The following RBFOX2 variants were observed in gnomAD, a reference collection of about 807,000 sequenced individuals.
The protein encoded by RBFOX2 is RNA binding protein fox-1 homolog 2.
RBFOX2 carries 10 observed loss-of-function variants against 49.1 expected under a neutral mutation model. The ratio of observed to expected loss-of-function variants is 0.20; its 90% CI spans 0.13 to 0.35. RBFOX2 has a LOEUF of 0.35. Among genes scored for constraint, RBFOX2 ranks in the 10% least tolerant of loss-of-function variants. The pLI, the probability that RBFOX2 is intolerant of heterozygous loss-of-function variation, is 1.00. For missense variants in RBFOX2, 323 were observed against 486.9 expected (o/e 0.66, Z 3.17); for synonymous variants, 183 against 187.4 (o/e 0.98, Z 0.19).
intron 1 of RBFOX2, among the ~76,000 whole-genome samples, chr22:35,854,712 A>G (rs5995172): frequency 0.12 from 17,718 of 152,146 alleles, 2,062 homozygotes; most frequent in African/African-American, 0.3. Context: ...TTAAATCATC[A>G]GCTCTTCAGA....
At chr22:36,004,089 G>T (rs1448730281) in intron 1 of RBFOX2, among the ~76,000 whole-genome samples, 1 of 152,098 alleles carries the variant, frequency 6.6e-6, no homozygotes, top group African/African-American at 2.4e-5. Context: ...CAACTGAGGG[G>T]ACAAAATCAC....
intron 1 of RBFOX2, among the ~76,000 whole-genome samples, chr22:35,868,587 T>C (rs1603427231): frequency 6.6e-6 from 1 of 151,860 alleles, no homozygotes; most frequent in Admixed American, 6.6e-5. Context: ...CTGTCTCTAT[T>C]TTAAAAAAAA....
chr22:36,010,424 A>C (rs1275775380), intron 1 of RBFOX2, among the ~76,000 whole-genome samples: 1 of 151,888 alleles, frequency 6.6e-6, no homozygotes, highest in African/African-American at 2.4e-5. Context: ...GGCCTAATTC[A>C]CCTACTGCAG....
At chr22:35,983,190 C>T (rs2150071216) in intron 1 of RBFOX2, among the ~76,000 whole-genome samples, 1 of 152,306 alleles carries the variant, frequency 6.6e-6, no homozygotes, top group East Asian at 1.9e-4. Flanking sequence ...AATAGTAGAT[C>T]TCAAAACCAT....
At chr22:36,005,162 C>A (rs1446261259) in intron 1 of RBFOX2, among the ~76,000 whole-genome samples, 1 of 152,164 alleles carries the variant, frequency 6.6e-6, no homozygotes, top group African/African-American at 2.4e-5. Flanking sequence ...GAATTTTACT[C>A]TAATTCAAGA....
At chr22:35,848,529 G>A (rs1603404416) in intron 1 of RBFOX2, among the ~76,000 whole-genome samples, 1 of 152,116 alleles carries the variant, frequency 6.6e-6, no homozygotes, top group Non-Finnish European at 1.5e-5. Flanking sequence ...TTACTCCAGA[G>A]AGCTTACCCA....
At chr22:35,753,432 G>A (rs898616646) in intron 9 of RBFOX2, among the ~76,000 whole-genome samples, 7 of 152,032 alleles carry the variant, frequency 4.6e-5, no homozygotes, top group African/African-American at 1.7e-4. Context: ...TTCATGTAGG[G>A]GCATGGATAT....
intron 1 of RBFOX2, among the ~76,000 whole-genome samples, chr22:35,854,007 T>TC (rs2149009358): frequency 6.6e-6 from 1 of 152,192 alleles, no homozygotes; most frequent in South Asian, 2.1e-4. Context: ...GGTCAGGTGT[T>TC]CGAGACCAGC....
intron 2 of RBFOX2, among the ~76,000 whole-genome samples, chr22:35,789,148 T>C (rs1024328505): frequency 6.6e-6 from 1 of 151,968 alleles, no homozygotes; most frequent in African/African-American, 2.4e-5. Flanking sequence ...TCTGAGACAG[T>C]GATATTTCTT....
chr22:35,863,951 C>T (rs566796814), intron 1 of RBFOX2, among the ~76,000 whole-genome samples: 1 of 152,294 alleles, frequency 6.6e-6, no homozygotes, highest in African/African-American at 2.4e-5. Flanking sequence ...AAGTGAGTTC[C>T]TTAACCCTAA....
At chr22:35,859,276 G>C (rs1205366332) in intron 1 of RBFOX2, among the ~76,000 whole-genome samples, 2 of 152,114 alleles carry the variant, frequency 1.3e-5, no homozygotes, top group East Asian at 3.9e-4. Context: ...GAGTTTTCTA[G>C]ATGGATTAGG....
chr22:35,949,362 T>C (rs2054656811), intron 1 of RBFOX2, among the ~76,000 whole-genome samples: 1 of 152,252 alleles, frequency 6.6e-6, no homozygotes, highest in African/African-American at 2.4e-5. Flanking sequence ...TACAGATATC[T>C]ATTCAAGTCC....
chr22:36,025,429 C>T (rs2059395423), intron 1 of RBFOX2, among the ~76,000 whole-genome samples: 1 of 152,152 alleles, frequency 6.6e-6, no homozygotes. Flanking sequence ...GCCCTTATCA[C>T]CACACAATTA....
At chr22:35,812,951 G>A (rs923656098) in intron 1 of RBFOX2, among the ~76,000 whole-genome samples, 5 of 152,184 alleles carry the variant, frequency 3.3e-5, no homozygotes, top group African/African-American at 4.8e-5. Context: ...TGGGGAGAAA[G>A]GTAAAAACAT....
At chr22:35,746,351 C>A (rs1932773537) in intron 10 of RBFOX2, 122 bp downstream of exon 12, 2 of 919,292 alleles carry the variant, frequency 2.2e-6, no homozygotes, top group East Asian at 2.5e-5. Flanking sequence ...AAAGCCCAGG[C>A]TGGCAAGATG....
chr22:36,016,570 G>A (rs192229588), intron 1 of RBFOX2, among the ~76,000 whole-genome samples: 34 of 152,232 alleles, frequency 2.2e-4, no homozygotes, highest in African/African-American at 7.0e-4. Context: ...CTTCAACAAC[G>A]GAGAAACCAA....
chr22:35,797,931 C>T lies in RBFOX2; in HGVS notation c.252+11849G>A, dbSNP rs1338978360. Among the ~76,000 whole-genome samples the T allele has an allele frequency of 2.0e-5, 3 of 152,122 alleles. No homozygotes were observed. In the East Asian group the frequency reaches 5.8e-4, roughly 29 times the overall value. ...CCTTCTAAAAGCATCTCTTAATGAA[C>T]CCGCTTCATTACTCTCTTTCTAGCA... is the stretch of plus-strand genomic sequence containing the variant. On this transcript the variant is annotated intron_variant, in intron 2 of 11. Transcript: ENST00000405409.
intron 1 of RBFOX2, among the ~76,000 whole-genome samples, chr22:35,983,846 C>T (rs1356180101): frequency 1.3e-5 from 2 of 152,100 alleles, no homozygotes; most frequent in Non-Finnish European, 2.9e-5. Context: ...AAGCTAGAGT[C>T]GATGAATAAT....
chr22:35,747,390 A>C (rs1448704586), intron 9 of RBFOX2: 2 of 152,246 alleles, frequency 1.3e-5, no homozygotes, highest in Admixed American at 1.3e-4. Context: ...TGAGATTCTT[A>C]CATATTAATC....
Sources: allele counts gnomAD v4.1 joint callset (sites outside exome capture counted in the v4.1 genomes callset), GRCh38; gene constraint gnomAD v4.1.1; transcripts MANE v1.5; gene names NCBI Gene and HGNC (gene_info 2026-07-23, HGNC 2026-07-21).